The following PRAME variants were observed in gnomAD, a reference collection of about 807,000 sequenced individuals.
PRAME encodes the protein PRAME nuclear receptor transcriptional regulator, also known as melanoma antigen preferentially expressed in tumors.
PRAME carries 21 observed loss-of-function variants against 32.1 expected under a neutral mutation model. The ratio of observed to expected loss-of-function variants is 0.65; its 90% CI spans 0.46 to 0.94. PRAME has a LOEUF of 0.94. PRAME is among the 40% of genes least tolerant of loss of function. The pLI, the probability that PRAME is intolerant of heterozygous loss-of-function variation, is 0.00. For synonymous variants in PRAME, 274 were observed against 251.5 expected (o/e 1.09, Z -0.85); for missense variants, 651 against 622.3 (o/e 1.05, Z -0.49).
At position 22,550,781 on chromosome 22, in the gene PRAME, C is replaced by T. The variant is rs776463938; in HGVS notation, c.330G>A (p.Gln110=). ...VLDGLDVLLA[Q]EVRPRRWKLQ... ...GTCACCCTTACCTGGGGCGAACCTC[C>T]TGGGCAAGGAGCACATCAAGTCCAT... The change falls in exon 4 of 6, where the codon CAG becomes CAA. Residue 110 remains glutamine (Q), a synonymous_variant. Transcript: ENST00000405655. 18 of 1,587,258 alleles carry T rather than the reference C, an allele frequency of 1.1e-5. No homozygotes were observed. Among genetic ancestry groups the T allele is most frequent in the Non-Finnish European group, 1.5e-5 (17 of 1,163,232 alleles).
At chr22:22,554,787 A>T (rs2062806537) in intron 3 of PRAME, among the ~76,000 whole-genome samples, 1 of 151,958 alleles carries the variant, frequency 6.6e-6, no homozygotes, top group Non-Finnish European at 1.5e-5. Context: ...AAGGGCTGAT[A>T]AGCTTCACAT....
Position 22,548,184 on chromosome 22 carries a change from C to A in PRAME, c.1413G>T (p.Leu471=). 6.2e-7 allele frequency: 1 copy of A among 1,613,888 alleles called. No homozygotes were observed. The highest frequency in any genetic ancestry group is 1.1e-5 in the South Asian group (1 of 91,066). ...CCATGCTGGGCCGCCCCAACTCACACAGCAACTCCCTGAGCCTGGCATGCA... is the reference window on the plus strand; with the variant it reads ...CCATGCTGGGCCGCCCCAACTCACAAAGCAACTCCCTGAGCCTGGCATGCA... ...AYLHARLREL[L]CELGRPSMVW... is the part of the protein sequence containing the mutation. Residue 471 remains leucine (L), a synonymous_variant, in exon 6 of 6, where the codon CTG becomes CTT. Coordinates refer to ENST00000405655, the MANE Select transcript of PRAME (RefSeq NM_206956.3).
chr22:22,555,791 G>A (rs1470637571), intron 3 of PRAME: 3 of 449,014 alleles, frequency 6.7e-6, no homozygotes, highest in South Asian at 4.7e-5. Flanking sequence ...ACCCAAGGAT[G>A]AGGCAGTGCA....
In PRAME at chr22:22,549,646, A is replaced by C. The variant is rs1002701593; in HGVS notation, c.953+80T>G. On this transcript the variant is annotated intron_variant, in intron 5 of 5. Coordinates refer to ENST00000405655, the MANE Select transcript of PRAME (RefSeq NM_206956.3). Reference sequence around the variant, plus strand: ...CACTCTTGCATTATTGGTGGCTGGCACATACAAGATATCCTTTATTGTTTA... The same window carrying C: ...CACTCTTGCATTATTGGTGGCTGGCCCATACAAGATATCCTTTATTGTTTA... The C allele has an allele frequency of 4.0e-6, 6 of 1,485,306 alleles. No homozygotes were observed. In the Admixed American group the frequency reaches 1.5e-4, roughly 36 times the overall value. The allele number at this position is 1,485,306 out of a possible 1,614,324, so 92.0% of individuals were successfully genotyped here. A position where few individuals can be genotyped will look rare whatever the true frequency, so the allele number is the denominator to read the frequency against.
chr22:22,549,978 G>C lies in PRAME; in HGVS notation c.701C>G (p.Ser234Cys), dbSNP rs1458890118. The change falls in exon 5 of 6, where the codon TCT becomes TGT. Residue 234 changes from serine (S) to cysteine (C), a missense_variant. Transcript: ENST00000405655. ...ACAAGTCACTTCCAAATCTTCAATA[G>C]AGTCCAGCTGCACCATTTTCAGGAT... is the stretch of plus-strand genomic sequence containing the variant. ...KMILKMVQLD[S>C]IEDLEVTCTW... 1 of 1,613,852 alleles carries C rather than the reference G, an allele frequency of 6.2e-7. No individual in the cohort carries two copies. The highest frequency in any genetic ancestry group is 8.5e-7 in the Non-Finnish European group (1 of 1,179,968).
Position 22,550,784 on chromosome 22 carries a change from G to C in PRAME, c.327C>G (p.Ala109=). ...AVLDGLDVLL[A]QEVRPRRWKL... is the part of the protein sequence containing the mutation. ...ACCCTTACCTGGGGCGAACCTCCTG[G>C]GCAAGGAGCACATCAAGTCCATCAA... Residue 109 remains alanine (A), a synonymous_variant, in exon 4 of 6, where the codon GCC becomes GCG. Coordinates refer to ENST00000405655, the MANE Select transcript of PRAME (RefSeq NM_206956.3). 1 of 1,589,416 alleles carries C rather than the reference G, an allele frequency of 6.3e-7. No homozygotes were observed. Among genetic ancestry groups the C allele is most frequent in the Non-Finnish European group, 8.6e-7 (1 of 1,164,088 alleles).
chr22:22,556,919 A>G lies in PRAME; in HGVS notation c.-77-10T>C. 2 of 1,502,896 alleles carry G rather than the reference A, an allele frequency of 1.3e-6. No individual in the cohort carries two copies. The highest frequency in any genetic ancestry group is 3.4e-4 in the Middle Eastern group (2 of 5,828). 93.1% of individuals were successfully genotyped at this position (1,502,896 alleles called of 1,614,324 possible). On this transcript the variant is annotated splice_polypyrimidine_tract_variant and intron_variant, in intron 2 of 5. Transcript: ENST00000405655. The stretch of plus-strand genomic sequence containing the variant: ...TTGTTGCCACGCACGTCTGAGAGTA[A>G]TAATCAAAATGCTCCAAAAAGAAGA...
rs1238172411 is a variant in PRAME at position 22,550,172 on chromosome 22, C to T, written c.507G>A (p.Glu169=). ...RKVDGLSTEA[E]QPFIPVEVLV... ...GCACCTCTACTGGAATGAAGGGCTGCTCTGCCTCTGTGCTCAAACCATCTA... is the reference window on the plus strand; with the variant it reads ...GCACCTCTACTGGAATGAAGGGCTGTTCTGCCTCTGTGCTCAAACCATCTA... Residue 169 remains glutamate, a synonymous_variant, in exon 5 of 6, where the codon GAG becomes GAA. Transcript: ENST00000405655. 6.2e-7 allele frequency: 1 copy of T among 1,613,880 alleles called. No homozygotes were observed. Among genetic ancestry groups the T allele is most frequent in the Non-Finnish European group, 8.5e-7 (1 of 1,179,974 alleles).
chr22:22,549,719 C>T lies in PRAME; in HGVS notation c.953+7G>A, dbSNP rs1389337312. 2 of 1,589,986 alleles carry T rather than the reference C, an allele frequency of 1.3e-6. No homozygotes were observed. The highest frequency in any genetic ancestry group is 1.7e-6 in the Non-Finnish European group (2 of 1,171,050). On this transcript the variant is annotated splice_region_variant and intron_variant, in intron 5 of 5. Coordinates refer to ENST00000405655, the MANE Select transcript of PRAME (RefSeq NM_206956.3). ...CTGGTCTGCAGAGAAATCTCACCAT[C>T]CCTCACCTGAGCAACTGATCCAGGC...
Position 22,557,037 on chromosome 22 carries a change from C to G in PRAME, c.-77-128G>C, listed in dbSNP as rs533668382. The G allele has an allele frequency of 2.4e-5, 15 of 634,964 alleles. No homozygotes were observed. In the East Asian group the frequency reaches 4.2e-4, roughly 18 times the overall value. 39.3% of individuals were successfully genotyped at this position (634,964 alleles called of 1,614,324 possible). On this transcript the variant is annotated intron_variant, in intron 2 of 5. Transcript: ENST00000405655. ...TGACAACTGGCGACTCAATCCCGCC[C>G]TTTCAGTGCAAATCTCTGGCTCCAA... is the stretch of plus-strand genomic sequence containing the variant.
chr22:22,557,137 A>C, intron 2 of PRAME: 1 of 475,786 alleles, frequency 2.1e-6, no homozygotes, highest in Non-Finnish European at 3.8e-6. Context: ...GTCACAAGTG[A>C]CCCCTGTGGT....
intron 5 of PRAME, 59 bp downstream of exon 5, chr22:22,549,667 G>T: frequency 6.6e-7 from 1 of 1,520,954 alleles, no homozygotes; most frequent in Admixed American, 2.3e-5. Context: ...ATCCTTTATT[G>T]TTTACTGCAA....
In PRAME at chr22:22,548,355, G is replaced by A. The variant is rs142644704; in HGVS notation, c.1242C>T (p.Tyr414=). 55 of 1,613,460 alleles carry A rather than the reference G, an allele frequency of 3.4e-5. No individual in the cohort carries two copies. Among genetic ancestry groups the A allele is most frequent in the East Asian group, 2.2e-4 (10 of 44,788 alleles). ...HCSQLTTLSF[Y]GNSISISALQ... ...GGGCAGATATGGAGATGGAATTCCCGTAGAAGCTTAAGGTCGTAAGCTGGG... is the reference window on the plus strand; with the variant it reads ...GGGCAGATATGGAGATGGAATTCCCATAGAAGCTTAAGGTCGTAAGCTGGG... The change falls in exon 6 of 6, where the codon TAC becomes TAT. Residue 414 remains tyrosine, a synonymous_variant. Coordinates refer to ENST00000405655, the MANE Select transcript of PRAME (RefSeq NM_206956.3).
At chr22:22,552,855 G>C (rs1365808562) in intron 3 of PRAME, 1 of 470,752 alleles carries the variant, frequency 2.1e-6, no homozygotes, top group East Asian at 7.0e-5. Flanking sequence ...CCTCTGGGAA[G>C]ACCACAACAT....
In PRAME at chr22:22,554,830, C is replaced by T. The variant is rs1309267899; in HGVS notation, c.21+1982G>A. Among the ~76,000 whole-genome samples the T allele has an allele frequency of 2.0e-5, 3 of 151,874 alleles. No homozygotes were observed. In the South Asian group the frequency reaches 6.2e-4, roughly 32 times the overall value. On this transcript the variant is annotated intron_variant, in intron 3 of 5. Transcript: ENST00000405655. ...GGAAAAACAGGAAAACTGAGTAAGT[C>T]CAACAGTTAGGGAAGCTTCCATGGG...
chr22:22,551,840 T>C (rs1314382467), intron 3 of PRAME, among the ~76,000 whole-genome samples: 1 of 151,896 alleles, frequency 6.6e-6, no homozygotes, highest in East Asian at 2.0e-4. Flanking sequence ...GAAATATGTA[T>C]ACATTGTAGA....
At chr22:22,556,433 C>T (rs2062921814) in intron 3 of PRAME, among the ~76,000 whole-genome samples, 1 of 151,916 alleles carries the variant, frequency 6.6e-6, no homozygotes, top group Admixed American at 6.6e-5. Context: ...GCCTCAGCCA[C>T]TTGAGTAGCT....
intron 4 of PRAME, 102 bp from the exon 5 acceptor site, chr22:22,550,436 C>A: frequency 7.1e-7 from 1 of 1,414,080 alleles, no homozygotes; most frequent in East Asian, 2.3e-5. Flanking sequence ...CAGACATCCA[C>A]CTTAGATCTG....
chr22:22,553,103 A>G (rs1017228516), intron 3 of PRAME, among the ~76,000 whole-genome samples: 6 of 152,004 alleles, frequency 3.9e-5, no homozygotes, highest in Non-Finnish European at 7.4e-5. Flanking sequence ...CCCAGAGAGT[A>G]TAACTGTTAG....
Sources: allele counts gnomAD v4.1 joint callset (sites outside exome capture counted in the v4.1 genomes callset), GRCh38; gene constraint gnomAD v4.1.1; transcripts MANE v1.5; gene names NCBI Gene and HGNC (gene_info 2026-07-23, HGNC 2026-07-21).